Variants in CNTNAP2 observed in about 807,000 individuals in gnomAD.
CNTNAP2 encodes contactin-associated protein-like 2.
In CNTNAP2, 98 loss-of-function variants were observed where a neutral mutation model predicts 155.2. The ratio of observed to expected loss-of-function variants is 0.63; its 90% CI spans 0.54 to 0.75. CNTNAP2 has a LOEUF of 0.75. Among genes scored for constraint, CNTNAP2 ranks in the 30% least tolerant of loss-of-function variants. The pLI, the probability that CNTNAP2 is intolerant of heterozygous loss-of-function variation, is 0.00. For missense variants in CNTNAP2, 1,727 were observed against 1,688.1 expected (o/e 1.02, Z -0.40); for synonymous variants, 651 against 631.2 (o/e 1.03, Z -0.47).
intron 11 of CNTNAP2, among the ~76,000 whole-genome samples, chr7:147,530,054 A>G (rs1217377779): frequency 6.6e-6 from 1 of 152,230 alleles, no homozygotes; most frequent in African/African-American, 2.4e-5. Context: ...GACAAAAATA[A>G]CATCTGTATT....
At chr7:146,979,316 G>A (rs556321240) in intron 3 of CNTNAP2, among the ~76,000 whole-genome samples, 22 of 152,202 alleles carry the variant, frequency 1.4e-4, no homozygotes, top group Middle Eastern at 6.8e-3. Flanking sequence ...TTTTTACAAA[G>A]ATTGCTGTCT....
intron 13 of CNTNAP2, among the ~76,000 whole-genome samples, chr7:147,735,702 G>T (rs11977070): frequency 0.16 from 24,612 of 152,146 alleles, 3,597 homozygotes; most frequent in African/African-American, 0.4. Context: ...CAATCTGGGT[G>T]CTCCTGTATT....
chr7:148,389,992 A>G (rs1004806852), intron 22 of CNTNAP2: 2 of 152,230 alleles, frequency 1.3e-5, no homozygotes, highest in African/African-American at 4.8e-5. Flanking sequence ...AGGAGTGTCC[A>G]GTGTGTGACC....
chr7:147,611,800 A>G (rs1801191633), intron 12 of CNTNAP2, among the ~76,000 whole-genome samples: 1 of 152,206 alleles, frequency 6.6e-6, no homozygotes, highest in African/African-American at 2.4e-5. Flanking sequence ...AACTGCATAC[A>G]TAGCTGGCAT....
chr7:146,806,450 T>A (rs986181885), intron 2 of CNTNAP2, among the ~76,000 whole-genome samples: 1 of 151,426 alleles, frequency 6.6e-6, no homozygotes, highest in Non-Finnish European at 1.5e-5. Flanking sequence ...GAGCCAAGAT[T>A]GCACCATTGC....
At chr7:146,847,938 A>G (rs1794790445) in intron 3 of CNTNAP2, among the ~76,000 whole-genome samples, 1 of 152,210 alleles carries the variant, frequency 6.6e-6, no homozygotes, top group South Asian at 2.1e-4. Flanking sequence ...AAAGTGCGTT[A>G]ACTTCGGAAA....
At chr7:147,034,554 C>G (rs992588418) in intron 3 of CNTNAP2, among the ~76,000 whole-genome samples, 4 of 152,160 alleles carry the variant, frequency 2.6e-5, no homozygotes, top group African/African-American at 9.7e-5. Flanking sequence ...AATTAGACCC[C>G]CTGCCTTACT....
At chr7:147,978,215 T>A (rs189134865) in intron 15 of CNTNAP2, 1 of 560,354 alleles carries the variant, frequency 1.8e-6, no homozygotes, top group East Asian at 3.2e-5. Context: ...TCCTCTATAT[T>A]CATATGTAAC....
chr7:148,049,748 A>G (rs1802849915), intron 15 of CNTNAP2, among the ~76,000 whole-genome samples: 1 of 152,226 alleles, frequency 6.6e-6, no homozygotes, highest in African/African-American at 2.4e-5. Context: ...AGCTTATACA[A>G]TTATGTACAG....
At chr7:146,937,976 CTG>C (rs1287496425) in intron 3 of CNTNAP2, among the ~76,000 whole-genome samples, 2 of 152,132 alleles carry the variant, frequency 1.3e-5, no homozygotes, top group Non-Finnish European at 2.9e-5. Flanking sequence ...TTAGTTGAGA[CTG>C]TATTTTTCTT....
chr7:148,117,485 G>A lies in CNTNAP2; in HGVS notation c.2384-633G>A, dbSNP rs143703254. 1.5e-3 allele frequency among the ~76,000 whole-genome samples: 222 copies of A among 152,312 alleles called. 3 individuals are homozygous for A. The East Asian group carries it at 0.02, about 14-fold the overall frequency. The stretch of plus-strand genomic sequence containing the variant: ...TGTATTCCTGAAGCACCTGCACCAG[G>A]TGTCTGGGTGGCCGTTGACACAGGA... On this transcript the variant is annotated intron_variant, in intron 15 of 23. Transcript: ENST00000361727.
intron 9 of CNTNAP2, among the ~76,000 whole-genome samples, chr7:147,306,942 GA>G (rs966645974): frequency 6.6e-6 from 1 of 152,114 alleles, no homozygotes; most frequent in Non-Finnish European, 1.5e-5. Flanking sequence ...ATTAAAAGAA[GA>G]AAAAAATCTT....
intron 13 of CNTNAP2, among the ~76,000 whole-genome samples, chr7:147,787,115 A>G (rs1252471297): frequency 1.3e-5 from 2 of 152,200 alleles, no homozygotes; most frequent in East Asian, 1.9e-4. Context: ...AGTGATGCAT[A>G]TGGTAGAGAA....
chr7:148,075,144 A>G (rs1803460423), intron 15 of CNTNAP2, among the ~76,000 whole-genome samples: 1 of 151,930 alleles, frequency 6.6e-6, no homozygotes, highest in African/African-American at 2.4e-5. Context: ...TTTCAGTATA[A>G]AAAAAAATTA....
intron 1 of CNTNAP2, among the ~76,000 whole-genome samples, chr7:146,687,241 C>A (rs575616263): frequency 6.6e-6 from 1 of 152,116 alleles, no homozygotes; most frequent in East Asian, 1.9e-4. Context: ...AAGTCTAGGC[C>A]CTGTGGTTAA....
Position 147,784,582 on chromosome 7 carries a change from G to A in CNTNAP2, c.2099-118983G>A, listed in dbSNP as rs576611201. On this transcript the variant is annotated intron_variant, in intron 13 of 23. Transcript: ENST00000361727. ...TTTTGAGTGCAAAGAGCTTGGGTGA[G>A]CAGAGTGGGAAATGAGATGAAAGAG... Among the ~76,000 whole-genome samples, 231 of 126,624 alleles carry A rather than the reference G, an allele frequency of 1.8e-3. 4 individuals are homozygous for A. The highest frequency in any genetic ancestry group is 6.0e-3 in the African/African-American group (217 of 36,468). The allele number at this position is 126,624 out of a possible 152,430, so 83.1% of individuals were successfully genotyped here.
At chr7:147,136,318 T>C (rs936829983) in intron 8 of CNTNAP2, among the ~76,000 whole-genome samples, 1 of 151,990 alleles carries the variant, frequency 6.6e-6, no homozygotes, top group African/African-American at 2.4e-5. Context: ...TACTCAAGTA[T>C]TGGAACATCC....
At chr7:146,905,109 C>G (rs1411647430) in intron 3 of CNTNAP2, among the ~76,000 whole-genome samples, 4 of 152,082 alleles carry the variant, frequency 2.6e-5, no homozygotes, top group Admixed American at 6.6e-5. Context: ...CTAACAGGTG[C>G]CAGATACTAG....
chr7:148,374,055 C>T (rs886837634), intron 21 of CNTNAP2, among the ~76,000 whole-genome samples: 28 of 152,340 alleles, frequency 1.8e-4, no homozygotes, highest in African/African-American at 6.3e-4. Flanking sequence ...CCATCCAATA[C>T]ACTTTCCAGA....
Sources: gnomAD v4.1 joint callset for allele counts (sites outside exome capture counted in the v4.1 genomes callset) on GRCh38, gnomAD v4.1.1 for gene constraint, MANE v1.5 for transcripts, NCBI Gene and HGNC (gene_info 2026-07-23, HGNC 2026-07-21) for gene names.